The following ALPK2 variants were observed in gnomAD, a reference collection of about 807,000 sequenced individuals.
ALPK2 encodes the protein alpha-protein kinase 2.
ALPK2 carries 127 observed loss-of-function variants against 163.1 expected under a neutral mutation model. The ratio of observed to expected loss-of-function variants is 0.78; its 90% CI spans 0.67 to 0.90. ALPK2 has a LOEUF of 0.90. Ranked by LOEUF, ALPK2 falls within the 40% of genes least tolerant of loss-of-function variation. The probability of loss-of-function intolerance (pLI) is 0.00; values close to 1 mark genes in which losing one functional copy is unlikely to be tolerated. For synonymous variants in ALPK2, 953 were observed against 959.1 expected (o/e 0.99, Z 0.12); for missense variants, 2,360 against 2,589.6 (o/e 0.91, Z 1.92).
At chr18:58,523,314 T>G (rs2051565413) in intron 8 of ALPK2, among the ~76,000 whole-genome samples, 1 of 152,018 alleles carries the variant, frequency 6.6e-6, no homozygotes, top group African/African-American at 2.4e-5. Flanking sequence ...CAGTCTATCA[T>G]TGTTGGATAT....
intron 12 of ALPK2, among the ~76,000 whole-genome samples, chr18:58,485,405 T>G (rs898579387): frequency 6.6e-5 from 10 of 152,168 alleles, no homozygotes; most frequent in Admixed American, 3.9e-4. Flanking sequence ...GTTTCCTTCC[T>G]CTCGGAAGCT....
In ALPK2 at chr18:58,537,589, T is replaced by C; in HGVS notation, c.2598A>G (p.Thr866=). Reference sequence around the variant, plus strand: ...TAGACACTGAAGTCTCAGACACTTGTGTCTGAAAAAAGACTTCCAGTGTCT... The same window carrying C: ...TAGACACTGAAGTCTCAGACACTTGCGTCTGAAAAAAGACTTCCAGTGTCT... The part of the protein sequence containing the change: ...NDKTLEVFFQ[T]QVSETSVSTC... Residue 866 remains threonine (T), a synonymous_variant, in exon 5 of 13, where the codon ACA becomes ACG. Coordinates refer to ENST00000361673, the MANE Select transcript of ALPK2 (RefSeq NM_052947.4). 6.2e-7 allele frequency: 1 copy of C among 1,613,880 alleles called. No homozygotes were observed. The highest frequency in any genetic ancestry group is 1.1e-5 in the South Asian group (1 of 91,076).
chr18:58,588,683 G>A (rs2051999390), intron 3 of ALPK2, among the ~76,000 whole-genome samples: 1 of 152,154 alleles, frequency 6.6e-6, no homozygotes, highest in South Asian at 2.1e-4. Flanking sequence ...AGAACATGTG[G>A]TTTTTGGTTT....
chr18:58,592,434 G>A (rs1052651445), intron 3 of ALPK2, among the ~76,000 whole-genome samples: 6 of 152,186 alleles, frequency 3.9e-5, no homozygotes, highest in African/African-American at 1.4e-4. Context: ...CTCGAGCCCC[G>A]CAGGGAAGAA....
At chr18:58,491,749 T>G (rs542786248) in intron 12 of ALPK2, among the ~76,000 whole-genome samples, 16 of 152,248 alleles carry the variant, frequency 1.1e-4, no homozygotes, top group Non-Finnish European at 2.1e-4. Context: ...TCTGTTGCAG[T>G]TCCCATCTTG....
intron 3 of ALPK2, among the ~76,000 whole-genome samples, chr18:58,581,404 C>T (rs1253906718): frequency 6.6e-6 from 1 of 152,236 alleles, no homozygotes; most frequent in Non-Finnish European, 1.5e-5. Context: ...AGCCCGTGAG[C>T]TCCACTGGCT....
intron 1 of ALPK2, among the ~76,000 whole-genome samples, chr18:58,617,307 C>T (rs1489498656): frequency 6.6e-6 from 1 of 152,188 alleles, no homozygotes; most frequent in Non-Finnish European, 1.5e-5. Flanking sequence ...CTGCCTCAGC[C>T]TCCTGAGTAG....
chr18:58,624,043 A>G (rs1407400907), intron 1 of ALPK2, among the ~76,000 whole-genome samples: 7 of 152,024 alleles, frequency 4.6e-5, no homozygotes, highest in Admixed American at 3.3e-4. Context: ...CTCTTCCATC[A>G]CTCAGCAGCC....
At chr18:58,601,025 GT>G (rs2052066684) in intron 3 of ALPK2, among the ~76,000 whole-genome samples, 1 of 152,262 alleles carries the variant, frequency 6.6e-6, no homozygotes, top group African/African-American at 2.4e-5. Context: ...GGAGGCCGAG[GT>G]GGGCAGATCA....
At chr18:58,527,460 G>A (rs1334244007) in intron 6 of ALPK2, among the ~76,000 whole-genome samples, 1 of 152,226 alleles carries the variant, frequency 6.6e-6, no homozygotes, top group East Asian at 1.9e-4. Flanking sequence ...CGCGTCATCA[G>A]TAAGTAGAAT....
intron 4 of ALPK2, among the ~76,000 whole-genome samples, chr18:58,575,812 G>T (rs1368267761): frequency 6.6e-6 from 1 of 152,080 alleles, no homozygotes; most frequent in South Asian, 2.1e-4. Context: ...TATTAGCCTG[G>T]GTAGGTACTA....
At chr18:58,486,678 T>C (rs947869054) in intron 12 of ALPK2, among the ~76,000 whole-genome samples, 3 of 152,204 alleles carry the variant, frequency 2.0e-5, no homozygotes, top group African/African-American at 7.2e-5. Flanking sequence ...GTGCAGACTT[T>C]TCTTTGCTAC....
intron 12 of ALPK2, among the ~76,000 whole-genome samples, chr18:58,482,645 T>G (rs2051317634): frequency 6.6e-6 from 1 of 152,120 alleles, no homozygotes; most frequent in South Asian, 2.1e-4. Flanking sequence ...GAAGAAGAAT[T>G]TTTGTCTCTG....
intron 2 of ALPK2, among the ~76,000 whole-genome samples, chr18:58,608,415 C>T (rs1387054193): frequency 6.6e-6 from 1 of 152,184 alleles, no homozygotes; most frequent in Non-Finnish European, 1.5e-5. Context: ...TTTCATCCAC[C>T]CCTTGGGATT....
At chr18:58,483,426 C>T (rs547526031) in intron 12 of ALPK2, among the ~76,000 whole-genome samples, 4 of 152,318 alleles carry the variant, frequency 2.6e-5, no homozygotes, top group Middle Eastern at 3.4e-3. Flanking sequence ...CCTCTTCAGC[C>T]ATTAGAAGTG....
intron 11 of ALPK2, among the ~76,000 whole-genome samples, chr18:58,502,422 C>T (rs148577560): frequency 3.3e-5 from 5 of 152,154 alleles, no homozygotes; most frequent in South Asian, 2.1e-4. Flanking sequence ...CTGCAATAAG[C>T]GCTTTACTAT....
intron 9 of ALPK2, 103 bp from the exon 10 acceptor site, chr18:58,515,184 T>C (rs2051514883): frequency 1.2e-6 from 1 of 854,938 alleles, no homozygotes; most frequent in Admixed American, 2.7e-5. Context: ...GTAAAGCCAA[T>C]GAACTGACAA....
intron 4 of ALPK2, among the ~76,000 whole-genome samples, chr18:58,569,394 A>T (rs1172289692): frequency 6.6e-6 from 1 of 152,180 alleles, no homozygotes. Flanking sequence ...ATGCATAGCT[A>T]GGGTTGAGGG....
In ALPK2 at chr18:58,579,005, T is replaced by C; in HGVS notation, c.1771A>G (p.Thr591Ala). Residue 591 changes from threonine (T) to alanine (A), a missense_variant, in exon 4 of 13, where the codon ACT becomes GCT. Thr to Ala is a moderately conservative substitution (Grantham distance 58). Transcript: ENST00000361673. ...RETSHTTAAA[T>A]GRSSHADARE... is the part of the protein sequence containing the mutation. ...GCATCAGCATGGGAACTCCGACCAG[T>C]CGCTGCTGCTGTGGTGTGAGAAGTC... The C allele has an allele frequency of 1.2e-6, 2 of 1,614,236 alleles. No individual in the cohort carries two copies. Among genetic ancestry groups the C allele is most frequent in the Non-Finnish European group, 1.7e-6 (2 of 1,180,040 alleles).
Sources: allele counts gnomAD v4.1 joint callset (sites outside exome capture counted in the v4.1 genomes callset), GRCh38; gene constraint gnomAD v4.1.1; transcripts MANE v1.5; gene names NCBI Gene and HGNC (gene_info 2026-07-23, HGNC 2026-07-21).